Variants in ZNF277 observed in about 807,000 individuals in gnomAD.
ZNF277 encodes the protein nuclear receptor-interacting factor 4.
In ZNF277, 55 loss-of-function variants were observed where a neutral mutation model predicts 60.7. The observed-to-expected ratio is 0.91, with a 90% CI of 0.73 to 1.13. The LOEUF (loss-of-function observed/expected upper bound fraction) is 1.13, where lower values mean the gene tolerates loss of function less well. ZNF277 is among the 50% of genes most tolerant of loss of function. The pLI is 0.00. For synonymous variants in ZNF277, 178 were observed against 179.3 expected (o/e 0.99, Z 0.06); for missense variants, 510 against 523.0 (o/e 0.98, Z 0.24).
At chr7:112,336,920 G>A (rs1055885475) in intron 8 of ZNF277, among the ~76,000 whole-genome samples, 1 of 152,180 alleles carries the variant, frequency 6.6e-6, no homozygotes, top group African/African-American at 2.4e-5. Flanking sequence ...GACCTGGGCC[G>A]GGACTGGTGG....
chr7:112,246,865 G>GA (rs1483385483), intron 1 of ZNF277, among the ~76,000 whole-genome samples: 1 of 152,122 alleles, frequency 6.6e-6, no homozygotes. Flanking sequence ...AGTGAGGAAA[G>GA]AAAAAGAACA....
In ZNF277 at chr7:112,278,938, C is replaced by G. The variant is rs1791880659; in HGVS notation, c.92-7935C>G. ...CCCAGCCCTGGCAACCACCATTCTACTTTCTGCTTCAGTAAGTTTGACTAC... is the reference window on the plus strand; with the variant it reads ...CCCAGCCCTGGCAACCACCATTCTAGTTTCTGCTTCAGTAAGTTTGACTAC... On this transcript the variant is annotated intron_variant, in intron 1 of 11. Transcript: ENST00000361822. 2.0e-5 allele frequency among the ~76,000 whole-genome samples: 3 copies of G among 152,202 alleles called. No homozygotes were observed. The South Asian group carries it at 6.2e-4, about 32-fold the overall frequency.
chr7:112,256,657 G>A (rs1791318109), intron 1 of ZNF277, among the ~76,000 whole-genome samples: 1 of 151,978 alleles, frequency 6.6e-6, no homozygotes, highest in Non-Finnish European at 1.5e-5. Context: ...TGTTGGCCAG[G>A]CTGGTCTCAA....
intron 4 of ZNF277, among the ~76,000 whole-genome samples, chr7:112,303,699 T>A (rs942626542): frequency 3.3e-5 from 5 of 152,120 alleles, no homozygotes; most frequent in Non-Finnish European, 7.4e-5. Context: ...GTTTAACTCC[T>A]GCATTTACAT....
chr7:112,266,040 G>C (rs1791542501), intron 1 of ZNF277, among the ~76,000 whole-genome samples: 1 of 152,178 alleles, frequency 6.6e-6, no homozygotes, highest in Non-Finnish European at 1.5e-5. Flanking sequence ...TGGCTCTGCT[G>C]TGCTTTTAAA....
chr7:112,209,646 TAAA>T (rs1821683656), intron 1 of ZNF277, among the ~76,000 whole-genome samples: 1 of 152,204 alleles, frequency 6.6e-6, no homozygotes, highest in Admixed American at 6.5e-5. Flanking sequence ...AAGTTGTCAT[TAAA>T]AATTCTGCTT....
In ZNF277 at chr7:112,336,140, G is replaced by A. The variant is rs1429592862; in HGVS notation, c.838G>A (p.Asp280Asn). The change falls in exon 8 of 12, where the codon GAT (aspartate) becomes AAT (asparagine). Residue 280 changes from aspartate to asparagine, a missense_variant. Transcript: ENST00000361822. ...GKSWEEVQLE[D>N]DRELLDHQED... The stretch of plus-strand genomic sequence containing the variant: ...ATCGTGGGAAGAAGTTCAGTTGGAA[G>A]ATGATCGGGAGTTGCTGGACCATCA... The A allele has an allele frequency of 6.2e-7, 1 of 1,611,016 alleles. No homozygotes were observed. The highest frequency in any genetic ancestry group is 1.3e-5 in the African/African-American group (1 of 74,854).
chr7:112,211,376 G>A (rs1167754916), intron 1 of ZNF277, among the ~76,000 whole-genome samples: 1 of 152,164 alleles, frequency 6.6e-6, no homozygotes, highest in African/African-American at 2.4e-5. Context: ...CATAGCTACA[G>A]CCACTGTGCT....
chr7:112,301,731 A>G (rs1009978183), intron 4 of ZNF277, among the ~76,000 whole-genome samples: 1 of 150,826 alleles, frequency 6.6e-6, no homozygotes, highest in Non-Finnish European at 1.5e-5. Context: ...ACACTATTTT[A>G]TTTGGCTTTT....
chr7:112,340,816 G>C (rs957250435), intron 10 of ZNF277, 56 bp from the exon 11 acceptor site: 1 of 1,504,474 alleles, frequency 6.6e-7, no homozygotes, highest in African/African-American at 1.4e-5. Flanking sequence ...AATTATAATA[G>C]TGCAAAAAAT....
At chr7:112,273,029 G>C (rs1791711601) in intron 1 of ZNF277, among the ~76,000 whole-genome samples, 1 of 152,108 alleles carries the variant, frequency 6.6e-6, no homozygotes, top group African/African-American at 2.4e-5. Context: ...ATGCCTGTTT[G>C]CCAGGGGTGG....
chr7:112,249,131 A>G (rs1791145131), intron 1 of ZNF277, among the ~76,000 whole-genome samples: 1 of 152,124 alleles, frequency 6.6e-6, no homozygotes, highest in Admixed American at 6.5e-5. Flanking sequence ...CCTAACATTG[A>G]CAGACCAGAG....
At position 112,302,274 on chromosome 7, in the gene ZNF277, G is replaced by T. The variant is rs563095233; in HGVS notation, c.465+5963G>T. Among the ~76,000 whole-genome samples the T allele has an allele frequency of 5.9e-5, 9 of 151,878 alleles. No homozygotes were observed. The South Asian group carries it at 1.7e-3, about 28-fold the overall frequency. ...GTGTCTCACCTCTCCCCACAATAAA[G>T]CCACAACAAAATGAAATTGCGTATC... is the stretch of plus-strand genomic sequence containing the variant. On this transcript the variant is annotated intron_variant, in intron 4 of 11. Coordinates refer to ENST00000361822, the MANE Select transcript of ZNF277 (RefSeq NM_021994.3).
chr7:112,295,160 T>C (rs1375808529), intron 2 of ZNF277, among the ~76,000 whole-genome samples: 1 of 152,200 alleles, frequency 6.6e-6, no homozygotes, highest in Non-Finnish European at 1.5e-5. Context: ...GTTGCCAATA[T>C]AAATCTTGTT....
At chr7:112,328,095 C>T (rs892742522) in intron 6 of ZNF277, 2 of 219,870 alleles carry the variant, frequency 9.1e-6, no homozygotes, top group Admixed American at 1.2e-4. Flanking sequence ...AATATACTCA[C>T]TGTCTAGCCT....
intron 1 of ZNF277, among the ~76,000 whole-genome samples, chr7:112,277,421 G>T (rs1244094106): frequency 6.6e-6 from 1 of 152,010 alleles, no homozygotes; most frequent in Non-Finnish European, 1.5e-5. Flanking sequence ...TTTCTTCCCA[G>T]AAAAAATTAA....
chr7:112,235,985 T>G (rs1214529265), intron 1 of ZNF277, among the ~76,000 whole-genome samples: 2 of 152,066 alleles, frequency 1.3e-5, no homozygotes, highest in African/African-American at 4.8e-5. Context: ...TTTTTTATTT[T>G]GCATATGGAT....
intron 7 of ZNF277, among the ~76,000 whole-genome samples, chr7:112,333,408 C>T (rs1015227399): frequency 3.9e-5 from 6 of 152,146 alleles, no homozygotes; most frequent in South Asian, 4.1e-4. Flanking sequence ...GTATGGAAAA[C>T]CACCATGTAA....
intron 10 of ZNF277, 42 bp downstream of exon 10, chr7:112,339,927 T>C (rs1793410956): frequency 6.3e-7 from 1 of 1,576,098 alleles, no homozygotes; most frequent in Non-Finnish European, 8.7e-7. Flanking sequence ...TGCTTCATTT[T>C]TTATAAACCA....
Sources: allele counts gnomAD v4.1 joint callset (sites outside exome capture counted in the v4.1 genomes callset), GRCh38; gene constraint gnomAD v4.1.1; transcripts MANE v1.5; gene names NCBI Gene and HGNC (gene_info 2026-07-23, HGNC 2026-07-21).